The following CTBP2 variants were observed in gnomAD, a reference collection of about 807,000 sequenced individuals.
CTBP2 encodes C-terminal-binding protein 2.
A neutral mutation model predicts 80.3 loss-of-function variants in CTBP2; 30 were observed. The ratio of observed to expected loss-of-function variants is 0.37; its 90% CI spans 0.28 to 0.51. The LOEUF is 0.51. Ranked by LOEUF, CTBP2 falls within the 20% of genes least tolerant of loss-of-function variation. CTBP2 has a pLI of 0.93. For missense variants in CTBP2, 1,212 were observed against 1,375.3 expected (o/e 0.88, Z 1.88); for synonymous variants, 594 against 587.4 (o/e 1.01, Z -0.16).
Position 125,123,273 on chromosome 10 carries a change from T to C in CTBP2, c.-205-12180A>G, listed in dbSNP as rs1173568554. On this transcript the variant is annotated intron_variant, in intron 1 of 10. Coordinates refer to the CTBP2 transcript ENST00000337195. ...AATAGAGACCTACCCGTGCTAAAAT[T>C]GCACAGACTAAATACACAGCCAAAT... 3.9e-5 allele frequency among the ~76,000 whole-genome samples: 6 copies of C among 152,180 alleles called. No homozygotes were observed. The East Asian group carries it at 9.6e-4, about 24-fold the overall frequency.
intron 3 of CTBP2, 25 bp downstream of exon 5, chr10:125,002,931 CCAGG>C: frequency 6.2e-7 from 1 of 1,610,328 alleles, no homozygotes; most frequent in Non-Finnish European, 8.5e-7. Context: ...CCGGACAACT[CCAGG>C]CAGCCAGCGC....
chr10:125,096,003 T>C (rs747375983), intron 2 of CTBP2, among the ~76,000 whole-genome samples: 3 of 152,144 alleles, frequency 2.0e-5, no homozygotes, highest in African/African-American at 4.8e-5. Flanking sequence ...CTATGAACTG[T>C]ACACCCAAAG....
chr10:124,997,812 C>T (rs1019833262), intron 4 of CTBP2, 152 bp downstream of exon 6: 16 of 756,000 alleles, frequency 2.1e-5, no homozygotes, highest in Middle Eastern at 3.8e-4. Flanking sequence ...GTCTTGACTC[C>T]GATCTCCTAC....
intron 2 of CTBP2, among the ~76,000 whole-genome samples, chr10:125,088,988 A>G (rs1025780375): frequency 6.6e-6 from 1 of 152,246 alleles, no homozygotes; most frequent in East Asian, 1.9e-4. Context: ...CTTTTACTCT[A>G]GCTGGGATTC....
At chr10:125,045,040 G>A (rs919663370) in intron 2 of CTBP2, among the ~76,000 whole-genome samples, 2 of 152,316 alleles carry the variant, frequency 1.3e-5, no homozygotes, top group Middle Eastern at 3.4e-3. Context: ...GCTGAATGCT[G>A]GATTCGTGAA....
Position 125,003,042 on chromosome 10 carries a change from C to T in CTBP2, c.1896G>A (p.Leu632=). 1.9e-6 allele frequency: 3 copies of T among 1,614,106 alleles called. No individual in the cohort carries two copies. The highest frequency in any genetic ancestry group is 2.2e-5 in the South Asian group (2 of 91,092). Residue 632 remains leucine (L), a synonymous_variant, in exon 3 of 9, where the codon CTG becomes CTA. Transcript: ENST00000309035. ...TCACTCTCAGGGCCTTGAACTTCTC[C>T]AGGTCCTCCCTGGTGAGGGTGATGG...
intron 1 of CTBP2, chr10:125,138,063 C>G (rs1857226034): frequency 1.3e-5 from 2 of 152,232 alleles, no homozygotes; most frequent in South Asian, 4.1e-4. Flanking sequence ...CTTCTAACAA[C>G]TGCAGCATTA....
intron 2 of CTBP2, among the ~76,000 whole-genome samples, chr10:125,042,250 C>T (rs1190188560): frequency 2.0e-5 from 3 of 152,218 alleles, no homozygotes; most frequent in African/African-American, 7.2e-5. Flanking sequence ...TTAACATAAC[C>T]ATCTTCCAAT....
intron 2 of CTBP2, among the ~76,000 whole-genome samples, chr10:125,058,811 TTGAA>T (rs1964445298): frequency 6.6e-6 from 1 of 152,046 alleles, no homozygotes. Context: ...GAAGAATCAT[TTGAA>T]CCCGGGAGGC....
At chr10:125,038,939 C>G (rs1009120178) in intron 3 of CTBP2, 58 bp downstream of exon 3, 3 of 1,561,206 alleles carry the variant, frequency 1.9e-6, no homozygotes, top group Middle Eastern at 1.7e-4. Flanking sequence ...GAGCAGCCAG[C>G]GAAGATTTGA....
chr10:125,027,547 G>A lies in CTBP2; in HGVS notation c.213C>T (p.Tyr71=), dbSNP rs768584860. Reference sequence around the variant, plus strand: ...CCACTGAGTTATAAACGGCCTCCCGGTACAGGTAGGGCTCGGCGGCCACGG... The same window carrying A: ...CCACTGAGTTATAAACGGCCTCCCGATACAGGTAGGGCTCGGCGGCCACGG... The change falls in exon 1 of 9, where the codon TAC becomes TAT. Residue 71 remains tyrosine (Y), a synonymous_variant. Transcript: ENST00000309035. 1.9e-6 allele frequency: 3 copies of A among 1,614,144 alleles called. No homozygotes were observed. The highest frequency in any genetic ancestry group is 2.5e-6 in the Non-Finnish European group (3 of 1,180,018).
intron 1 of CTBP2, among the ~76,000 whole-genome samples, chr10:125,151,170 A>G (rs1400094922): frequency 6.6e-6 from 1 of 152,122 alleles, no homozygotes; most frequent in African/African-American, 2.4e-5. Context: ...TGGAGCACCA[A>G]ATTAAGTCTG....
chr10:124,992,029 A>T (rs1952711194), intron 8 of CTBP2, among the ~76,000 whole-genome samples: 1 of 151,908 alleles, frequency 6.6e-6, no homozygotes, highest in Non-Finnish European at 1.5e-5. Flanking sequence ...GCTGACCCAA[A>T]CTACAGGTAT....
At chr10:125,098,700 G>GAGAGAGAGAC (rs1850035880) in intron 2 of CTBP2, among the ~76,000 whole-genome samples, 1 of 84,862 alleles carries the variant, frequency 1.2e-5, no homozygotes, top group Non-Finnish European at 2.4e-5. Flanking sequence ...GAGAGAGAGA[G>GAGAGAGAGAC]AGAGAGACAG....
At chr10:125,095,568 T>G (rs1177556939) in intron 2 of CTBP2, among the ~76,000 whole-genome samples, 1 of 152,156 alleles carries the variant, frequency 6.6e-6, no homozygotes, top group Non-Finnish European at 1.5e-5. Flanking sequence ...CCACATGCTC[T>G]GAGGACGCTA....
rs1953421963 is a variant in CTBP2, at chr10:124,995,879, G to A, written c.2186-1196C>T. Reference sequence around the variant, plus strand: ...GGAGCTCACACTTCACAGGACCCCCGCCTGCCTTCCCCCGTTCCTGCAGCC... The same window carrying A: ...GGAGCTCACACTTCACAGGACCCCCACCTGCCTTCCCCCGTTCCTGCAGCC... On this transcript the variant is annotated intron_variant, in intron 4 of 8. Transcript: ENST00000309035. Among the ~76,000 whole-genome samples, 2 of 151,916 alleles carry A rather than the reference G, an allele frequency of 1.3e-5. 1 individual carries two copies. The highest frequency in any genetic ancestry group is 4.2e-4 in the South Asian group (2 of 4,792).
intron 1 of CTBP2, among the ~76,000 whole-genome samples, chr10:125,119,661 A>G (rs1853985588): frequency 6.6e-6 from 1 of 152,250 alleles, no homozygotes; most frequent in Non-Finnish European, 1.5e-5. Flanking sequence ...GTATATGCAT[A>G]AGAGACAGAA....
At chr10:125,122,382 T>G (rs1173772512) in intron 1 of CTBP2, among the ~76,000 whole-genome samples, 1 of 152,242 alleles carries the variant, frequency 6.6e-6, no homozygotes, top group Non-Finnish European at 1.5e-5. Flanking sequence ...CTCAACATTT[T>G]CACTGTGAGA....
intron 2 of CTBP2, among the ~76,000 whole-genome samples, chr10:125,106,335 G>A (rs1010708439): frequency 6.6e-6 from 1 of 152,154 alleles, no homozygotes; most frequent in African/African-American, 2.4e-5. Flanking sequence ...TCACTGTAAA[G>A]GGACCCTGCA....
Sources: allele counts gnomAD v4.1 joint callset (sites outside exome capture counted in the v4.1 genomes callset), GRCh38; gene constraint gnomAD v4.1.1; transcripts MANE v1.5; gene names NCBI Gene and HGNC (gene_info 2026-07-23, HGNC 2026-07-21).